Variants in SPOCK1 observed in about 807,000 individuals in gnomAD.
SPOCK1 encodes testican-1.
A neutral mutation model predicts 55.3 loss-of-function variants in SPOCK1; 23 were observed. The ratio of observed to expected loss-of-function variants is 0.42; its 90% CI spans 0.30 to 0.59. SPOCK1 has a LOEUF of 0.59. Among genes scored for constraint, SPOCK1 ranks in the 20% least tolerant of loss-of-function variants. The pLI is 0.22. For missense variants in SPOCK1, 499 were observed against 552.5 expected, an observed-to-expected ratio of 0.90 and a Z score of 0.97; for synonymous variants, 226 against 221.0, an observed-to-expected ratio of 1.02 and a Z score of -0.20.
chr5:137,244,283 C>A (rs576300400), intron 3 of SPOCK1, among the ~76,000 whole-genome samples: 1 of 152,272 alleles, frequency 6.6e-6, no homozygotes, highest in African/African-American at 2.4e-5. Context: ...CAAAATTCAA[C>A]GTGTAGAAAA....
At chr5:137,146,500 G>A (rs1239269393) in intron 3 of SPOCK1, among the ~76,000 whole-genome samples, 1 of 152,176 alleles carries the variant, frequency 6.6e-6, no homozygotes, top group African/African-American at 2.4e-5. Flanking sequence ...TTCACGTGAA[G>A]AGCAGACACT....
intron 6 of SPOCK1, 108 bp downstream of exon 6, chr5:137,067,607 C>A: frequency 1.1e-6 from 1 of 904,302 alleles, no homozygotes; most frequent in East Asian, 2.5e-5. Flanking sequence ...GTCATGTCTG[C>A]TCATTTCTCC....
chr5:137,118,922 G>A (rs1000822470), intron 4 of SPOCK1, among the ~76,000 whole-genome samples: 10 of 152,168 alleles, frequency 6.6e-5, no homozygotes, highest in Non-Finnish European at 1.3e-4. Flanking sequence ...AACTTGTTTC[G>A]TGTGGCTACT....
intron 6 of SPOCK1, among the ~76,000 whole-genome samples, chr5:136,995,462 A>G (rs1672072368): frequency 6.6e-6 from 1 of 152,150 alleles, no homozygotes; most frequent in Admixed American, 6.5e-5. Context: ...CTAGGTTTTC[A>G]CTTTTCTGAC....
intron 6 of SPOCK1, among the ~76,000 whole-genome samples, chr5:137,020,798 A>C (rs1751550648): frequency 6.6e-6 from 1 of 152,060 alleles, no homozygotes; most frequent in African/African-American, 2.4e-5. Context: ...ATGACCAATA[A>C]ATATAAGAAA....
intron 2 of SPOCK1, among the ~76,000 whole-genome samples, chr5:137,375,589 A>G (rs529851898): frequency 6.6e-6 from 1 of 152,372 alleles, no homozygotes; most frequent in East Asian, 1.9e-4. Flanking sequence ...TTATACCTCA[A>G]TAGAAATGTA....
chr5:136,984,142 A>G (rs1419779454), intron 9 of SPOCK1, among the ~76,000 whole-genome samples: 2 of 152,202 alleles, frequency 1.3e-5, no homozygotes, highest in Non-Finnish European at 2.9e-5. Context: ...TTTACTCAGC[A>G]GAAGAATGTA....
intron 3 of SPOCK1, among the ~76,000 whole-genome samples, chr5:137,148,906 T>A (rs1754257410): frequency 1.3e-5 from 2 of 152,050 alleles, no homozygotes; most frequent in African/African-American, 4.8e-5. Flanking sequence ...ATGATTAAAG[T>A]GTCAAGCAGC....
At chr5:137,081,343 C>T (rs1445919611) in intron 5 of SPOCK1, among the ~76,000 whole-genome samples, 2 of 152,174 alleles carry the variant, frequency 1.3e-5, no homozygotes, top group African/African-American at 4.8e-5. Context: ...GATAGAGAGG[C>T]AGTATTCCAT....
chr5:137,166,828 C>A (rs7712518), intron 3 of SPOCK1, among the ~76,000 whole-genome samples: 29,425 of 151,528 alleles, frequency 0.19, 2,972 homozygotes, highest in Middle Eastern at 0.28. Context: ...ACACAAAAAA[C>A]AAAAGGCAAG....
chr5:136,994,188 A>G (rs1215077146), intron 6 of SPOCK1, among the ~76,000 whole-genome samples: 5 of 152,190 alleles, frequency 3.3e-5, no homozygotes, highest in African/African-American at 1.2e-4. Context: ...CATGGAATGA[A>G]TGCATGTCCA....
At position 137,095,342 on chromosome 5, in the gene SPOCK1, TA is replaced by T. The variant is rs112149143; in HGVS notation, c.474+17092del. Among the ~76,000 whole-genome samples, 6 of 152,118 alleles carry T rather than the reference TA, an allele frequency of 3.9e-5. No homozygotes were observed. In the South Asian group the frequency reaches 1.2e-3, roughly 32 times the overall value. ...GGGTCTGCCACAAACCTCCAATTTG[TA>T]AAAAAAACCTTAGTATCTGCAAAGC... On this transcript the variant is annotated intron_variant, in intron 5 of 10. Coordinates refer to ENST00000394945, the MANE Select transcript of SPOCK1 (RefSeq NM_004598.4).
chr5:137,218,861 G>T (rs1311568250), intron 3 of SPOCK1, among the ~76,000 whole-genome samples: 1 of 152,104 alleles, frequency 6.6e-6, no homozygotes, highest in Non-Finnish European at 1.5e-5. Context: ...TAGCTGCCAG[G>T]TACCTGGGCA....
At chr5:137,048,874 G>A (rs1245686840) in intron 6 of SPOCK1, among the ~76,000 whole-genome samples, 2 of 76,506 alleles carry the variant, frequency 2.6e-5, no homozygotes, top group Non-Finnish European at 5.1e-5. Flanking sequence ...TGTCTATAAA[G>A]TATTTTATTT....
chr5:137,404,707 G>A (rs986191448), intron 2 of SPOCK1, among the ~76,000 whole-genome samples: 9 of 151,820 alleles, frequency 5.9e-5, no homozygotes, highest in Middle Eastern at 3.4e-3. Context: ...GGGAGCCACC[G>A]CACCTGGCCT....
chr5:137,434,480 C>CTTTTTTT (rs146762668), intron 2 of SPOCK1, among the ~76,000 whole-genome samples: 2,379 of 68,374 alleles, frequency 0.035, 69 homozygotes, highest in Non-Finnish European at 0.04. Context: ...TCTTTTTTTT[C>CTTTTTTT]TTTTTTTTTT....
intron 5 of SPOCK1, among the ~76,000 whole-genome samples, chr5:137,108,590 C>T (rs562926616): frequency 2.6e-5 from 4 of 152,196 alleles, no homozygotes; most frequent in African/African-American, 4.8e-5. Context: ...TTTGGGGCTT[C>T]GGTATATCCT....
At chr5:137,478,549 T>C (rs1020169205) in intron 2 of SPOCK1, among the ~76,000 whole-genome samples, 1 of 152,108 alleles carries the variant, frequency 6.6e-6, no homozygotes, top group Non-Finnish European at 1.5e-5. Flanking sequence ...TTTTAGAAAT[T>C]AAACAAGCTT....
At chr5:137,333,541 A>G (rs1031172671) in intron 2 of SPOCK1, among the ~76,000 whole-genome samples, 1 of 152,182 alleles carries the variant, frequency 6.6e-6, no homozygotes, top group African/African-American at 2.4e-5. Flanking sequence ...GGTCTTCCTG[A>G]TAAGTCCGGG....
Sources: gnomAD v4.1 joint callset for allele counts (sites outside exome capture counted in the v4.1 genomes callset) on GRCh38, gnomAD v4.1.1 for gene constraint, MANE v1.5 for transcripts, NCBI Gene and HGNC (gene_info 2026-07-23, HGNC 2026-07-21) for gene names.